The following PAK1 variants were observed in gnomAD, a reference collection of about 807,000 sequenced individuals.
PAK1 encodes serine/threonine-protein kinase PAK 1.
In PAK1, 29 loss-of-function variants were observed where a neutral mutation model predicts 67.4. The observed-to-expected ratio is 0.43, with a 90% CI of 0.32 to 0.59. The LOEUF is 0.59. Ranked by LOEUF, PAK1 falls within the 20% of genes least tolerant of loss-of-function variation. The probability of loss-of-function intolerance (pLI) is 0.07; values close to 1 mark genes in which losing one functional copy is unlikely to be tolerated. For synonymous variants in PAK1, 223 were observed against 237.4 expected, an observed-to-expected ratio of 0.94 and a Z score of 0.56; for missense variants, 337 against 670.7, an observed-to-expected ratio of 0.50 and a Z score of 5.50.
the PAK1 span, among the ~76,000 whole-genome samples, chr11:77,514,264 C>T: frequency 5.9e-5 from 9 of 152,116 alleles, no homozygotes; most frequent in Non-Finnish European, 8.8e-5. Flanking sequence ...GAGGCTGAGG[C>T]GGGTGGATCA....
intron 5 of PAK1, among the ~76,000 whole-genome samples, chr11:77,368,823 A>AT (rs1947980724): frequency 6.6e-6 from 1 of 152,180 alleles, no homozygotes; most frequent in Non-Finnish European, 1.5e-5. Flanking sequence ...AGCCCAGCTA[A>AT]TTTTTTTGTA....
At chr11:77,471,095 G>C (rs1303489766) in intron 1 of PAK1, among the ~76,000 whole-genome samples, 1 of 152,158 alleles carries the variant, frequency 6.6e-6, no homozygotes, top group Non-Finnish European at 1.5e-5. Flanking sequence ...TTGAGTGCCT[G>C]CTATATGCAG....
At chr11:77,345,905 T>G (rs188294516) in intron 9 of PAK1, among the ~76,000 whole-genome samples, 2 of 152,322 alleles carry the variant, frequency 1.3e-5, no homozygotes, top group East Asian at 3.9e-4. Flanking sequence ...TGGTCACTGC[T>G]GGCAGCAGCA....
chr11:77,378,115 C>T (rs1477775132), intron 4 of PAK1, among the ~76,000 whole-genome samples: 1 of 152,186 alleles, frequency 6.6e-6, no homozygotes, highest in Non-Finnish European at 1.5e-5. Context: ...CCCAACAATA[C>T]TGCCATTTGA....
chr11:77,410,840 G>A (rs1338121706), intron 1 of PAK1, among the ~76,000 whole-genome samples: 1 of 152,020 alleles, frequency 6.6e-6, no homozygotes, highest in African/African-American at 2.4e-5. Context: ...TGAGCTTCTT[G>A]GTGCCAGGTA....
intron 6 of PAK1, among the ~76,000 whole-genome samples, chr11:77,356,900 TC>T (rs1946106608): frequency 6.6e-6 from 1 of 152,098 alleles, no homozygotes; most frequent in Admixed American, 6.6e-5. Flanking sequence ...ATACTTCCTT[TC>T]CCCAGGAGAT....
chr11:77,380,135 T>C, intron 2 of PAK1, 141 bp from the exon 3 acceptor site: 2 of 624,914 alleles, frequency 3.2e-6, no homozygotes, highest in Non-Finnish European at 5.6e-6. Context: ...AAGAGCTCAG[T>C]TACGGATCTG....
At chr11:77,523,435 T>C in the PAK1 span, among the ~76,000 whole-genome samples, 38,344 of 150,166 alleles carry the variant, frequency 0.26, 5,031 homozygotes, top group South Asian at 0.47. Context: ...TTTTTTTTTT[T>C]TTGAGACAAA....
chr11:77,323,355 T>A lies in PAK1; in HGVS notation c.1557A>T (p.Gln519His). 6.2e-7 allele frequency: 1 copy of A among 1,605,326 alleles called. No individual in the cohort carries two copies. Among genetic ancestry groups the A allele is most frequent in the East Asian group, 2.2e-5 (1 of 44,816 alleles). The change falls in exon 15 of 15, where the codon CAA becomes CAT. Residue 519 changes from glutamine (Q) to histidine (H), a missense_variant. Around this residue, in one of 8 missense-constraint regions of PAK1, gnomAD observed 71 missense variants for 160.5 expected, o/e 0.44. Transcript: ENST00000356341. The part of the protein sequence containing the change: ...RGSAKELLQH[Q>H]FLKIAKPLSS... ...AGAGGGGCTTGGCAATCTTCAGGAATTGATGCTAGAAAGGAGAAAAATAGC... is the reference window on the plus strand; with the variant it reads ...AGAGGGGCTTGGCAATCTTCAGGAAATGATGCTAGAAAGGAGAAAAATAGC...
intron 6 of PAK1, 189 bp downstream of exon 6, chr11:77,358,709 T>C (rs1370411384): frequency 4.5e-6 from 3 of 665,860 alleles, no homozygotes; most frequent in Non-Finnish European, 2.7e-6. Context: ...CAATGATAAA[T>C]AAACACATGA....
chr11:77,326,008 G>A (rs1939731246), intron 14 of PAK1, among the ~76,000 whole-genome samples: 1 of 152,142 alleles, frequency 6.6e-6, no homozygotes, highest in African/African-American at 2.4e-5. Flanking sequence ...AGTATGCCCT[G>A]CCCTGCCCTG....
chr11:77,460,228 G>T (rs971456858), intron 1 of PAK1, among the ~76,000 whole-genome samples: 1 of 150,508 alleles, frequency 6.6e-6, no homozygotes, highest in African/African-American at 2.4e-5. Flanking sequence ...AAAAAAAGAA[G>T]GAAGGGAGGA....
intron 6 of PAK1, among the ~76,000 whole-genome samples, chr11:77,358,119 C>T (rs2136565994): frequency 6.6e-6 from 1 of 152,272 alleles, no homozygotes; most frequent in African/African-American, 2.4e-5. Context: ...TGTTTGAACA[C>T]CTCCCTGAAT....
intron 1 of PAK1, among the ~76,000 whole-genome samples, chr11:77,461,671 A>G (rs969566057): frequency 2.0e-5 from 3 of 152,254 alleles, no homozygotes; most frequent in Non-Finnish European, 2.9e-5. Flanking sequence ...ATGTTTACAT[A>G]CACCAAAAAA....
chr11:77,403,301 A>ACCC (rs1299745527), intron 1 of PAK1, among the ~76,000 whole-genome samples: 1 of 151,858 alleles, frequency 6.6e-6, no homozygotes, highest in Admixed American at 6.6e-5. Flanking sequence ...CTTCTTCTGA[A>ACCC]CCCCTCTAGT....
intron 2 of PAK1, among the ~76,000 whole-genome samples, chr11:77,385,285 G>A (rs1310616587): frequency 6.6e-6 from 1 of 152,152 alleles, no homozygotes; most frequent in African/African-American, 2.4e-5. Context: ...ACAATTTACA[G>A]ATCATGTGCT....
chr11:77,428,936 G>A (rs917070116), intron 1 of PAK1, among the ~76,000 whole-genome samples: 3 of 151,496 alleles, frequency 2.0e-5, no homozygotes, highest in Non-Finnish European at 4.4e-5. Flanking sequence ...AGCCTGTGAT[G>A]GGGGTGTCAG....
the PAK1 span, among the ~76,000 whole-genome samples, chr11:77,509,053 A>T: frequency 2.7e-5 from 4 of 149,228 alleles, no homozygotes; most frequent in East Asian, 6.2e-4. Flanking sequence ...GGCGGATCAC[A>T]AGGTCAGGAG....
At chr11:77,439,609 G>GA (rs201879699) in intron 1 of PAK1, among the ~76,000 whole-genome samples, 1 of 151,170 alleles carries the variant, frequency 6.6e-6, no homozygotes, top group Non-Finnish European at 1.5e-5. Flanking sequence ...GACTTCTAGA[G>GA]AAAAAAAAAT....
Sources: allele counts gnomAD v4.1 joint callset (sites outside exome capture counted in the v4.1 genomes callset), GRCh38; gene constraint gnomAD v4.1.1; regional missense constraint gnomAD v4.1.1; transcripts MANE v1.5; gene names NCBI Gene and HGNC (gene_info 2026-07-23, HGNC 2026-07-21).